TAFA1: variants seen among roughly 807,000 people sequenced by gnomAD.
TAFA1 encodes the protein TAFA chemokine like family member 1.
TAFA1 carries 4 observed loss-of-function variants against 18.5 expected under a neutral mutation model. The ratio of observed to expected loss-of-function variants is 0.22; its 90% CI spans 0.11 to 0.49. The LOEUF (loss-of-function observed/expected upper bound fraction) is 0.49, where lower values mean the gene tolerates loss of function less well. Ranked by LOEUF, TAFA1 falls within the 20% of genes least tolerant of loss-of-function variation. The pLI is 0.98. For missense variants in TAFA1, 147 were observed against 169.0 expected, an observed-to-expected ratio of 0.87 and a Z score of 0.72; for synonymous variants, 56 against 55.2, an observed-to-expected ratio of 1.01 and a Z score of -0.06.
intron 2 of TAFA1, among the ~76,000 whole-genome samples, chr3:68,233,472 T>C (rs774647563): frequency 6.6e-6 from 1 of 152,194 alleles, no homozygotes; most frequent in Admixed American, 6.5e-5. Context: ...GGTTTTGTAT[T>C]CTATTTCATT....
intron 2 of TAFA1, among the ~76,000 whole-genome samples, chr3:68,056,526 C>T (rs149175623): frequency 0.018 from 2,771 of 152,158 alleles, 31 homozygotes; most frequent in Non-Finnish European, 0.027. Flanking sequence ...AGATGCAAAA[C>T]GCTTTAATAT....
chr3:68,062,954 A>C (rs1483858930), intron 2 of TAFA1, among the ~76,000 whole-genome samples: 1 of 152,186 alleles, frequency 6.6e-6, no homozygotes, highest in Non-Finnish European at 1.5e-5. Context: ...TCTGAACTTT[A>C]TCGTCTAACA....
chr3:68,137,175 A>G (rs1009423211), intron 2 of TAFA1, among the ~76,000 whole-genome samples: 6 of 152,326 alleles, frequency 3.9e-5, no homozygotes, highest in Admixed American at 3.9e-4. Flanking sequence ...CTCTAAACAG[A>G]AAAACAAAGC....
At chr3:68,305,888 A>G (rs574658127) in intron 2 of TAFA1, among the ~76,000 whole-genome samples, 3 of 152,200 alleles carry the variant, frequency 2.0e-5, no homozygotes, top group Non-Finnish European at 2.9e-5. Context: ...TGTAAAATGG[A>G]CATGATAACA....
intron 2 of TAFA1, among the ~76,000 whole-genome samples, chr3:68,169,278 C>T (rs1343610940): frequency 2.6e-5 from 4 of 152,206 alleles, no homozygotes; most frequent in African/African-American, 9.6e-5. Context: ...GTCATGATGA[C>T]ATTCAACCCT....
intron 2 of TAFA1, among the ~76,000 whole-genome samples, chr3:68,349,448 G>C (rs1510354): frequency 0.49 from 74,866 of 151,780 alleles, 18,956 homozygotes; most frequent in East Asian, 0.72. Context: ...AAAGTCCTAC[G>C]GCACCCATAT....
At chr3:68,481,011 G>A (rs2072227507) in intron 3 of TAFA1, among the ~76,000 whole-genome samples, 2 of 152,064 alleles carry the variant, frequency 1.3e-5, no homozygotes. Flanking sequence ...GCTCCTCCTT[G>A]CCTTCCACCA....
chr3:68,268,206 C>A (rs1043019390), intron 2 of TAFA1, among the ~76,000 whole-genome samples: 8 of 151,948 alleles, frequency 5.3e-5, no homozygotes, highest in African/African-American at 1.9e-4. Flanking sequence ...GAAAGGATGA[C>A]CAAAGTTTTG....
At chr3:68,408,060 A>G (rs959360191) in intron 2 of TAFA1, among the ~76,000 whole-genome samples, 1 of 152,172 alleles carries the variant, frequency 6.6e-6, no homozygotes, top group Non-Finnish European at 1.5e-5. Flanking sequence ...ATGAATTCCA[A>G]AAAAGCTACT....
chr3:68,311,699 T>C (rs894408173), intron 2 of TAFA1, among the ~76,000 whole-genome samples: 1 of 152,320 alleles, frequency 6.6e-6, no homozygotes, highest in Middle Eastern at 3.4e-3. Flanking sequence ...GAATACAGCC[T>C]CCCTTCTGGC....
At chr3:68,437,147 C>T (rs2071279644) in intron 3 of TAFA1, among the ~76,000 whole-genome samples, 1 of 152,088 alleles carries the variant, frequency 6.6e-6, no homozygotes, top group Admixed American at 6.6e-5. Flanking sequence ...AATATGCCAC[C>T]AATGCATCGC....
chr3:68,416,280 T>A (rs1393148516), intron 2 of TAFA1, among the ~76,000 whole-genome samples: 2 of 152,190 alleles, frequency 1.3e-5, no homozygotes, highest in African/African-American at 4.8e-5. Context: ...TTTCTAAGTG[T>A]CCATATGTAT....
chr3:68,482,062 G>A (rs1185750879), intron 3 of TAFA1, among the ~76,000 whole-genome samples: 1 of 152,212 alleles, frequency 6.6e-6, no homozygotes, highest in Non-Finnish European at 1.5e-5. Context: ...CCAGGCTGGA[G>A]TGCAGTGGCG....
chr3:68,414,613 A>G (rs2070776688), intron 2 of TAFA1, among the ~76,000 whole-genome samples: 1 of 152,188 alleles, frequency 6.6e-6, no homozygotes, highest in Non-Finnish European at 1.5e-5. Context: ...TTAATACAGC[A>G]TCCAGCACCC....
intron 2 of TAFA1, among the ~76,000 whole-genome samples, chr3:68,063,235 T>C (rs548737719): frequency 6.6e-6 from 1 of 152,252 alleles, no homozygotes; most frequent in African/African-American, 2.4e-5. Context: ...ATATGTAAAA[T>C]AAACTCAGGG....
intron 2 of TAFA1, among the ~76,000 whole-genome samples, chr3:68,138,654 T>G (rs535454241): frequency 6.6e-6 from 1 of 152,326 alleles, no homozygotes; most frequent in African/African-American, 2.4e-5. Context: ...GACAAGTTAT[T>G]TACTATCTTG....
chr3:68,349,369 C>T (rs776118907), intron 2 of TAFA1, among the ~76,000 whole-genome samples: 1 of 151,998 alleles, frequency 6.6e-6, no homozygotes, highest in Non-Finnish European at 1.5e-5. Context: ...ACATGATATT[C>T]TCTTATGAAA....
intron 2 of TAFA1, among the ~76,000 whole-genome samples, chr3:68,212,825 T>C (rs1308829578): frequency 6.6e-6 from 1 of 151,998 alleles, no homozygotes; most frequent in Non-Finnish European, 1.5e-5. Context: ...CCCTGACCCA[T>C]GTGCGATCTT....
chr3:68,023,388 A>G (rs987272461), intron 2 of TAFA1, among the ~76,000 whole-genome samples: 1 of 152,110 alleles, frequency 6.6e-6, no homozygotes, highest in Non-Finnish European at 1.5e-5. Flanking sequence ...TGTAGGTTCA[A>G]CATCAAATAA....
Sources: gnomAD v4.1 joint callset for allele counts (sites outside exome capture counted in the v4.1 genomes callset) on GRCh38, gnomAD v4.1.1 for gene constraint, MANE v1.5 for transcripts, NCBI Gene and HGNC (gene_info 2026-07-23, HGNC 2026-07-21) for gene names.